SGMS1: variants seen among roughly 807,000 people sequenced by gnomAD.
SGMS1 encodes the protein phosphatidylcholine:ceramide cholinephosphotransferase 1.
Under a neutral mutation model 46.2 loss-of-function variants are expected in SGMS1, and 13 were observed. The observed-to-expected ratio is 0.28, with a 90% CI of 0.18 to 0.45. The LOEUF is 0.45. Among genes scored for constraint, SGMS1 ranks in the 20% least tolerant of loss-of-function variants. SGMS1 has a pLI of 1.00. For missense variants in SGMS1, 324 were observed against 519.9 expected, an observed-to-expected ratio of 0.62 and a Z score of 3.66; for synonymous variants, 203 against 187.8, an observed-to-expected ratio of 1.08 and a Z score of -0.66.
intron 7 of SGMS1, chr10:50,328,196 C>T (rs1847559543): frequency 3.8e-6 from 1 of 260,676 alleles, no homozygotes; most frequent in Admixed American, 5.3e-5. Flanking sequence ...GTTTGTTCAA[C>T]TTAACCTCAT....
At chr10:50,601,911 T>C (rs750618598) in intron 1 of SGMS1, among the ~76,000 whole-genome samples, 1 of 152,228 alleles carries the variant, frequency 6.6e-6, no homozygotes, top group Non-Finnish European at 1.5e-5. Flanking sequence ...TGCGATATTT[T>C]TAATAACATT....
chr10:50,468,197 G>A (rs149171599), intron 3 of SGMS1, among the ~76,000 whole-genome samples: 27 of 152,276 alleles, frequency 1.8e-4, no homozygotes, highest in African/African-American at 6.3e-4. Flanking sequence ...CCAATACTGA[G>A]TCTCAAATCA....
chr10:50,576,319 A>T (rs1838384889), intron 2 of SGMS1, among the ~76,000 whole-genome samples: 1 of 152,244 alleles, frequency 6.6e-6, no homozygotes, highest in Non-Finnish European at 1.5e-5. Flanking sequence ...CCACACAGGC[A>T]TCATATACTG....
At chr10:50,526,058 C>A (rs557760190) in intron 2 of SGMS1, among the ~76,000 whole-genome samples, 1 of 152,236 alleles carries the variant, frequency 6.6e-6, no homozygotes, top group South Asian at 2.1e-4. Flanking sequence ...TGAGGGGAAG[C>A]CCAGCTCTGC....
At chr10:50,542,148 A>G (rs1838058705) in intron 2 of SGMS1, among the ~76,000 whole-genome samples, 1 of 152,176 alleles carries the variant, frequency 6.6e-6, no homozygotes, top group South Asian at 2.1e-4. Context: ...CTCATGGGGG[A>G]AAAGAAACTG....
chr10:50,445,708 T>TTTAA (rs1837003403), intron 5 of SGMS1, among the ~76,000 whole-genome samples: 1 of 152,124 alleles, frequency 6.6e-6, no homozygotes, highest in African/African-American at 2.4e-5. Flanking sequence ...GTGTTAACTG[T>TTTAA]ACAAATTGTT....
chr10:50,624,526 G>A (rs928495640), upstream of SGMS1: 12 of 919,140 alleles, frequency 1.3e-5, no homozygotes, highest in African/African-American at 2.2e-4. Context: ...GCCTGGGAGC[G>A]CGACGGAGGC....
intron 3 of SGMS1, among the ~76,000 whole-genome samples, chr10:50,503,831 G>A (rs138239333): frequency 4.3e-4 from 66 of 152,320 alleles, no homozygotes; most frequent in Non-Finnish European, 6.6e-4. Flanking sequence ...GATATCACTA[G>A]GGCCTGAGAG....
At chr10:50,547,253 G>A (rs140575357) in intron 2 of SGMS1, among the ~76,000 whole-genome samples, 1,606 of 152,162 alleles carry the variant, frequency 0.011, 10 homozygotes, top group Non-Finnish European at 0.017. Context: ...ATAATTTCAA[G>A]AGTAAAGGGA....
chr10:50,514,147 G>A (rs933214226), intron 3 of SGMS1, among the ~76,000 whole-genome samples: 4 of 152,080 alleles, frequency 2.6e-5, no homozygotes, highest in Admixed American at 6.6e-5. Context: ...CCAACATGTC[G>A]TTGTGTTTTG....
chr10:50,575,474 A>G (rs1177363142), intron 2 of SGMS1, among the ~76,000 whole-genome samples: 6 of 152,254 alleles, frequency 3.9e-5, no homozygotes, highest in African/African-American at 1.4e-4. Context: ...TGACCCCAGG[A>G]GTTCCAGGCT....
intron 3 of SGMS1, among the ~76,000 whole-genome samples, chr10:50,497,111 G>A (rs1185251887): frequency 6.6e-6 from 1 of 152,134 alleles, no homozygotes; most frequent in Non-Finnish European, 1.5e-5. Flanking sequence ...CAGAAGGCTC[G>A]ATGCAAACCT....
intron 6 of SGMS1, among the ~76,000 whole-genome samples, chr10:50,413,157 A>T (rs1849124297): frequency 6.6e-6 from 1 of 152,198 alleles, no homozygotes; most frequent in African/African-American, 2.4e-5. Context: ...CATAATTTAC[A>T]TGTATATCTT....
At chr10:50,480,377 A>T (rs2024871) in intron 3 of SGMS1, among the ~76,000 whole-genome samples, 130,078 of 151,608 alleles carry the variant, frequency 0.86, 56,055 homozygotes, top group East Asian at 1. Context: ...GCAGCTGTGG[A>T]CAGCAGCTCC....
intron 2 of SGMS1, among the ~76,000 whole-genome samples, chr10:50,523,560 C>G (rs1258949171): frequency 6.6e-6 from 1 of 152,162 alleles, no homozygotes; most frequent in Non-Finnish European, 1.5e-5. Flanking sequence ...ACTGGCATAA[C>G]AAAACAGTAG....
chr10:50,525,935 A>G (rs184787362), intron 2 of SGMS1, among the ~76,000 whole-genome samples: 71 of 152,342 alleles, frequency 4.7e-4, no homozygotes, highest in Non-Finnish European at 6.6e-4. Context: ...AGAACTCTCA[A>G]ATTGGTATTC....
intron 1 of SGMS1, among the ~76,000 whole-genome samples, chr10:50,618,796 A>T (rs1838821243): frequency 6.6e-6 from 1 of 152,216 alleles, no homozygotes; most frequent in Non-Finnish European, 1.5e-5. Context: ...CCCTTAGAGC[A>T]GCGGTTCTCA....
chr10:50,367,990 C>T (rs746684893), intron 6 of SGMS1, among the ~76,000 whole-genome samples: 4 of 152,200 alleles, frequency 2.6e-5, no homozygotes, highest in Non-Finnish European at 4.4e-5. Flanking sequence ...ATCCCAGTGC[C>T]CTTCTCAAGT....
intron 3 of SGMS1, among the ~76,000 whole-genome samples, chr10:50,484,047 C>A (rs1404407219): frequency 3.3e-5 from 5 of 151,888 alleles, no homozygotes; most frequent in Admixed American, 2.6e-4. Flanking sequence ...AAGATCAGAG[C>A]AGAACTGAAG....
Sources: gnomAD v4.1 joint callset for allele counts (sites outside exome capture counted in the v4.1 genomes callset) on GRCh38, gnomAD v4.1.1 for gene constraint, MANE v1.5 for transcripts, NCBI Gene and HGNC (gene_info 2026-07-23, HGNC 2026-07-21) for gene names.